Variants in TMEM128 observed in about 807,000 individuals in gnomAD.
The protein encoded by TMEM128 is transmembrane protein 128.
A neutral mutation model predicts 19.7 loss-of-function variants in TMEM128; 16 were observed. That is an observed-to-expected ratio of 0.81 (90% CI 0.55 to 1.23). TMEM128 has a LOEUF of 1.23. Among genes scored for constraint, TMEM128 ranks in the 50% most tolerant of loss-of-function variants. TMEM128 has a pLI of 0.00. For synonymous variants in TMEM128, 98 were observed against 75.8 expected, an observed-to-expected ratio of 1.29 and a Z score of -1.52; for missense variants, 237 against 200.8, an observed-to-expected ratio of 1.18 and a Z score of -1.09.
chr4:4,238,892 A>G (rs1459358197), intron 3 of TMEM128, among the ~76,000 whole-genome samples: 1 of 152,086 alleles, frequency 6.6e-6, no homozygotes, highest in African/African-American at 2.4e-5. Flanking sequence ...AAATAGCCAG[A>G]TGTGGTGACA....
chr4:4,242,387 A>G (rs1315479661), intron 2 of TMEM128, among the ~76,000 whole-genome samples: 1 of 151,958 alleles, frequency 6.6e-6, no homozygotes, highest in Non-Finnish European at 1.5e-5. Context: ...TATATAAATG[A>G]TATAGTTTAT....
rs751535619 is a variant in TMEM128, at chr4:4,248,176, C to A, written c.27G>T (p.Gln9His). 66 of 1,531,882 alleles carry A rather than the reference C, an allele frequency of 4.3e-5. No homozygotes were observed. The African/African-American group carries it at 4.7e-4, about 11-fold the overall frequency. 94.9% of individuals were successfully genotyped at this position (1,531,882 alleles called of 1,614,324 possible). A position where few individuals can be genotyped will look rare whatever the true frequency, so the allele number is the denominator to read the frequency against. The change falls in exon 1 of 5, where the codon CAG (glutamine) becomes CAT (histidine). Residue 9 changes from glutamine to histidine, a missense_variant. Physicochemically the swap from Gln to His is conservative, Grantham distance 24 (BLOSUM62 0). Coordinates refer to ENST00000382753, the MANE Select transcript of TMEM128 (RefSeq NM_001297551.2). ...GCAGGAGGAGGAATCGCCGCCGGAG[C>A]TGCTGCCGGGCCCGCGAGGAGTCCA... is the stretch of plus-strand genomic sequence containing the variant. MDSSRARQQLRRRFLLLPD... is the reference protein window; with the variant it reads MDSSRARQHLRRRFLLLPD...
In TMEM128 at chr4:4,241,755, G is replaced by C. The variant is rs551813601; in HGVS notation, c.240-1276C>G. Among the ~76,000 whole-genome samples the C allele has an allele frequency of 9.8e-4, 149 of 152,258 alleles. 1 individual carries two copies. Among genetic ancestry groups the C allele is most frequent in the Middle Eastern group, 3.4e-3 (1 of 292 alleles). ...AGCAAGACTAGTTTTGTGACTCTAG[G>C]CAAATTACCTAACCTCCGTGTGTTT... is the stretch of plus-strand genomic sequence containing the variant. On this transcript the variant is annotated intron_variant, in intron 2 of 4. Transcript: ENST00000382753.
At chr4:4,241,479 T>A (rs541602963) in intron 2 of TMEM128, among the ~76,000 whole-genome samples, 3 of 152,068 alleles carry the variant, frequency 2.0e-5, no homozygotes, top group Non-Finnish European at 4.4e-5. Flanking sequence ...CAATCCAATA[T>A]CCCATCATCA....
chr4:4,237,761 A>C (rs1717783171), intron 4 of TMEM128, 66 bp downstream of exon 4: 2 of 1,007,698 alleles, frequency 2.0e-6, no homozygotes, highest in East Asian at 5.1e-5. Flanking sequence ...CCATCCACTG[A>C]AAATTGTCAT....
rs1462586069 is a variant in TMEM128 at position 4,246,083 on chromosome 4, TC to T, written c.239+118del. 4.7e-6 allele frequency: 5 copies of T among 1,062,514 alleles called. No individual in the cohort carries two copies. The African/African-American group carries it at 6.5e-5, about 14-fold the overall frequency. The allele number at this position is 1,062,514 out of a possible 1,614,324, so 65.8% of individuals were successfully genotyped here. A position where few individuals can be genotyped will look rare whatever the true frequency, so the allele number is the denominator to read the frequency against. Reference sequence around the variant, plus strand: ...ATATTCATCTTCGTATCACCACACCTCCAACACAGGGCCTGGCAGAGAGTAG... The same window carrying T: ...ATATTCATCTTCGTATCACCACACCTCAACACAGGGCCTGGCAGAGAGTAG... On this transcript the variant is annotated intron_variant, in intron 2 of 4. Transcript: ENST00000382753.
At chr4:4,247,970 A>C (rs1455672144) in intron 1 of TMEM128, 136 bp downstream of exon 1, 1 of 1,443,482 alleles carries the variant, frequency 6.9e-7, no homozygotes, top group Non-Finnish European at 9.1e-7. Flanking sequence ...GATTCTAAGG[A>C]TCTTCCCTGA....
intron 2 of TMEM128, 95 bp from the exon 3 acceptor site, chr4:4,240,574 A>G: frequency 1.5e-6 from 2 of 1,375,164 alleles, no homozygotes; most frequent in South Asian, 1.5e-5. Context: ...TCTGCTTCTA[A>G]GAATATCAAG....
intron 2 of TMEM128, among the ~76,000 whole-genome samples, chr4:4,244,637 C>A (rs1718094514): frequency 6.8e-6 from 1 of 146,772 alleles, no homozygotes; most frequent in African/African-American, 2.5e-5. Flanking sequence ...CTTCCTAATA[C>A]TGGGTCTCTG....
chr4:4,247,797 C>T, intron 1 of TMEM128: 2 of 1,454,384 alleles, frequency 1.4e-6, no homozygotes, highest in Non-Finnish European at 1.8e-6. Context: ...TGAAACACTG[C>T]GCACATCATT....
At chr4:4,242,259 G>T (rs980396232) in intron 2 of TMEM128, among the ~76,000 whole-genome samples, 1 of 151,932 alleles carries the variant, frequency 6.6e-6, no homozygotes, top group Non-Finnish European at 1.5e-5. Context: ...ATCTTTAGGA[G>T]TCTTCAAAGA....
At chr4:4,244,978 T>G (rs1486997573) in intron 2 of TMEM128, among the ~76,000 whole-genome samples, 1 of 152,166 alleles carries the variant, frequency 6.6e-6, no homozygotes, top group Non-Finnish European at 1.5e-5. Flanking sequence ...TGTGGGCTTT[T>G]TCCTTGTGGC....
chr4:4,247,459 G>T, intron 1 of TMEM128: 1 of 1,126,472 alleles, frequency 8.9e-7, no homozygotes, highest in Non-Finnish European at 1.3e-6. Flanking sequence ...TAAAACATAT[G>T]AGATAAAAAA....
intron 2 of TMEM128, among the ~76,000 whole-genome samples, chr4:4,242,944 A>G (rs958491538): frequency 6.6e-5 from 10 of 152,110 alleles, no homozygotes; most frequent in Admixed American, 5.9e-4. Context: ...CAGTTTCCAA[A>G]ATTCTGGGCC....
intron 2 of TMEM128, among the ~76,000 whole-genome samples, chr4:4,244,402 GGGAAGTCAA>G (rs1310771883): frequency 6.6e-6 from 1 of 152,030 alleles, no homozygotes; most frequent in Non-Finnish European, 1.5e-5. Flanking sequence ...ACTTGAGCCT[GGGAAGTCAA>G]GGCAGCAAGC....
chr4:4,244,269 A>C (rs58642163), intron 2 of TMEM128, among the ~76,000 whole-genome samples: 1 of 152,092 alleles, frequency 6.6e-6, no homozygotes, highest in African/African-American at 2.4e-5. Context: ...GGAGCCCACA[A>C]GTTTGAGACC....
rs771463549 is a variant in TMEM128 at position 4,237,831 on chromosome 4, G to A, written c.*5C>T. On this transcript the variant is annotated 3_prime_UTR_variant, in exon 4 of 5. Transcript: ENST00000382753. ...AAACCACTCCAGATATCTTACCTTC[G>A]GAAATCATCCAAGGAGTGTGATAAA... The A allele has an allele frequency of 4.4e-5, 71 of 1,608,160 alleles. No homozygotes were observed. Among genetic ancestry groups the A allele is most frequent in the Admixed American group, 2.8e-4 (17 of 59,802 alleles).
intron 1 of TMEM128, chr4:4,247,600 CCT>C (rs1246384044): frequency 6.2e-7 from 1 of 1,614,098 alleles, no homozygotes; most frequent in Non-Finnish European, 8.5e-7. Flanking sequence ...TCACAAGTTA[CCT>C]GTTTTGTACC....
rs780663111 is a variant in TMEM128, at chr4:4,248,217, G to C, written c.-15C>G. 2 of 1,489,710 alleles carry C rather than the reference G, an allele frequency of 1.3e-6. No homozygotes were observed. Among genetic ancestry groups the C allele is most frequent in the South Asian group, 2.5e-5 (2 of 79,094 alleles). 92.3% of individuals were successfully genotyped at this position (1,489,710 alleles called of 1,614,324 possible). On this transcript the variant is annotated 5_prime_UTR_variant, in exon 1 of 5. Transcript: ENST00000382753. ...GAGGAGTCCATCTTGGTACCGCCCC[G>C]AAATGCGACGGAAGTGACGTCAGAC... is the stretch of plus-strand genomic sequence containing the variant.
Sources: allele counts gnomAD v4.1 joint callset (sites outside exome capture counted in the v4.1 genomes callset), GRCh38; gene constraint gnomAD v4.1.1; transcripts MANE v1.5; gene names NCBI Gene and HGNC (gene_info 2026-07-23, HGNC 2026-07-21).